GLT8D1: variants seen among roughly 807,000 people sequenced by gnomAD.
The protein encoded by GLT8D1 is glycosyltransferase 8 domain containing 1.
Under a neutral mutation model 46.2 loss-of-function variants are expected in GLT8D1, and 41 were observed. That is an observed-to-expected ratio of 0.89 (90% CI 0.69 to 1.15). The LOEUF is 1.15. GLT8D1 is among the 50% of genes most tolerant of loss of function. The pLI, the probability that GLT8D1 is intolerant of heterozygous loss-of-function variation, is 0.00. For synonymous variants in GLT8D1, 150 were observed against 154.2 expected, an observed-to-expected ratio of 0.97 and a Z score of 0.20; for missense variants, 408 against 449.3, an observed-to-expected ratio of 0.91 and a Z score of 0.83.
rs756849873 is a variant in GLT8D1 at position 52,700,369 on chromosome 3, G to T, written c.17-9C>A. The T allele has an allele frequency of 1.9e-6, 3 of 1,607,094 alleles. No individual in the cohort carries two copies. Among genetic ancestry groups the T allele is most frequent in the Admixed American group, 3.3e-5 (2 of 59,800 alleles). On this transcript the variant is annotated splice_polypyrimidine_tract_variant and intron_variant, in intron 2 of 9. Transcript: ENST00000266014. ...CAAGATGATGATGTTTACTGAAATAGATAGGGAAAACCTATGTTATACCTC... is the reference window on the plus strand; with the variant it reads ...CAAGATGATGATGTTTACTGAAATATATAGGGAAAACCTATGTTATACCTC...
chr3:52,701,589 G>A (rs890411774), intron 1 of GLT8D1, among the ~76,000 whole-genome samples: 1 of 151,954 alleles, frequency 6.6e-6, no homozygotes, highest in Non-Finnish European at 1.5e-5. Context: ...GACTGGTCTC[G>A]AACTCCTGAC....
chr3:52,704,520 G>A lies in GLT8D1; in HGVS notation c.-37+927C>T, dbSNP rs549930395. Among the ~76,000 whole-genome samples, 6 of 140,198 alleles carry A rather than the reference G, an allele frequency of 4.3e-5. No individual in the cohort carries two copies. In the South Asian group the frequency reaches 1.1e-3, roughly 26 times the overall value. 92.0% of individuals were successfully genotyped at this position (140,198 alleles called of 152,430 possible). On this transcript the variant is annotated intron_variant, in intron 1 of 9. Transcript: ENST00000266014. ...GATATATCTATTTATACACACAACA[G>A]AAAGTCTCTTCAAACACACCAAGAA...
At chr3:52,699,296 T>C (rs2097337185) in intron 3 of GLT8D1, among the ~76,000 whole-genome samples, 1 of 152,140 alleles carries the variant, frequency 6.6e-6, no homozygotes, top group African/African-American at 2.4e-5. Context: ...TCTCTTTTTT[T>C]TTTTCTTGAG....
intron 1 of GLT8D1, chr3:52,704,701 G>A (rs1289035606): frequency 1.3e-5 from 2 of 152,238 alleles, no homozygotes; most frequent in Admixed American, 6.5e-5. Flanking sequence ...GGGCACTGAG[G>A]ATATACAAAC....
rs78696896 is a variant in GLT8D1, at chr3:52,700,564, CT to C, written c.-36-69del. Reference sequence around the variant, plus strand: ...GAAGGGACATCAAAATGCCCTAACACTTTTTTTTTTTTTTTAATTCAGGAAG... The same window carrying C: ...GAAGGGACATCAAAATGCCCTAACACTTTTTTTTTTTTTTAATTCAGGAAG... On this transcript the variant is annotated intron_variant, in intron 1 of 9. Coordinates refer to ENST00000266014, the MANE Select transcript of GLT8D1 (RefSeq NM_018446.4). 0.24 allele frequency: 122,579 copies of C among 502,968 alleles called. 197 individuals are homozygous for C. The highest frequency in any genetic ancestry group is 0.29 in the East Asian group (9,423 of 32,008). The allele number at this position is 502,968 out of a possible 1,614,324, so 31.2% of individuals were successfully genotyped here.
chr3:52,700,568 T>C (rs2097338510), intron 1 of GLT8D1, 72 bp from the exon 2 acceptor site: 3 of 626,766 alleles, frequency 4.8e-6, no homozygotes, highest in Non-Finnish European at 8.4e-6. Context: ...CTAACACTTT[T>C]TTTTTTTTTT....
rs377622839 is a variant in GLT8D1, at chr3:52,705,744, C to G, written c.-334G>C. On this transcript the variant is annotated 5_prime_UTR_variant, in exon 1 of 10. Transcript: ENST00000266014. ...AGCCGCGCAGCCCCACTACGCCCAG[C>G]CAGCCCGCAGCGGTAACCGCTAGAG... 1.4e-5 allele frequency: 13 copies of G among 935,030 alleles called. No individual in the cohort carries two copies. The East Asian group carries it at 1.7e-4, about 12-fold the overall frequency. 57.9% of individuals were successfully genotyped at this position (935,030 alleles called of 1,614,324 possible). A position where few individuals can be genotyped will look rare whatever the true frequency, so the allele number is the denominator to read the frequency against.
In GLT8D1 at chr3:52,697,831, A is replaced by C; in HGVS notation, c.219T>G (p.Ser73=). 2 of 1,613,536 alleles carry C rather than the reference A, an allele frequency of 1.2e-6. No homozygotes were observed. The highest frequency in any genetic ancestry group is 4.5e-5 in the East Asian group (2 of 44,898). The change falls in exon 4 of 10, where the codon TCT becomes TCG. Residue 73 remains serine, a synonymous_variant. Transcript: ENST00000266014. The part of the protein sequence containing the change: ...QEEIPVVIAA[S]EDRLGGAIAA... ...CAATGGCCCCCCCAAGCCTGTCTTC[A>C]GATGCAGCGATGACCACAGGAATCT...
In GLT8D1 at chr3:52,694,502, A is replaced by G. The variant is rs1351978606; in HGVS notation, c.*343T>C. On this transcript the variant is annotated 3_prime_UTR_variant, in exon 10 of 10. Transcript: ENST00000266014. Reference sequence around the variant, plus strand: ...AAGAAGATACCTATTGAAAAATGTAAGTTTTATTTACAGATCAGGCCACAG... The same window carrying G: ...AAGAAGATACCTATTGAAAAATGTAGGTTTTATTTACAGATCAGGCCACAG... 10 of 577,416 alleles carry G rather than the reference A, an allele frequency of 1.7e-5. No individual in the cohort carries two copies. In the East Asian group the frequency reaches 2.8e-4, roughly 16 times the overall value. The allele number at this position is 577,416 out of a possible 1,614,324, so 35.8% of individuals were successfully genotyped here. A position where few individuals can be genotyped will look rare whatever the true frequency, so the allele number is the denominator to read the frequency against.
intron 3 of GLT8D1, among the ~76,000 whole-genome samples, chr3:52,699,464 T>C (rs1053814403): frequency 1.3e-5 from 2 of 152,142 alleles, no homozygotes; most frequent in African/African-American, 2.4e-5. Context: ...TTTGTATTTT[T>C]AGTAGAGACG....
Position 52,700,336 on chromosome 3 carries a change from GCCAGGA to G in GLT8D1, c.35_40del (p.Val12_Leu13del). 1 of 1,613,570 alleles carries G rather than the reference GCCAGGA, an allele frequency of 6.2e-7. No individual in the cohort carries two copies. Among genetic ancestry groups the G allele is most frequent in the Non-Finnish European group, 8.5e-7 (1 of 1,179,512 alleles). On this transcript the variant is annotated inframe_deletion, in exon 3 of 10. Coordinates refer to ENST00000266014, the MANE Select transcript of GLT8D1 (RefSeq NM_018446.4). ...CAAAACCAGTAAGAAGAGAGCAACA[GCCAGGA>G]CCAAGATGATGATGTTTACTGAAAT...
At chr3:52,703,283 G>T (rs2097340958) in intron 1 of GLT8D1, 1 of 151,542 alleles carries the variant, frequency 6.6e-6, no homozygotes, top group Non-Finnish European at 1.5e-5. Flanking sequence ...AATTAGCCAG[G>T]CATGGTGGCA....
intron 7 of GLT8D1, 105 bp downstream of exon 7, chr3:52,695,823 G>A (rs1304561784): frequency 1.6e-5 from 11 of 704,508 alleles, no homozygotes; most frequent in Non-Finnish European, 2.0e-5. Context: ...GTTTTGGGAT[G>A]AAATGATTGG....
At chr3:52,695,633 T>C in intron 7 of GLT8D1, 46 bp from the exon 8 acceptor site, 1 of 1,136,052 alleles carries the variant, frequency 8.8e-7, no homozygotes, top group South Asian at 1.3e-5. Flanking sequence ...TCAAACAAAA[T>C]AGATACAATT....
Position 52,705,719 on chromosome 3 carries a change from A to G in GLT8D1, c.-309T>C. The G allele has an allele frequency of 3.2e-6, 2 of 618,992 alleles. No homozygotes were observed. The highest frequency in any genetic ancestry group is 1.9e-5 in the African/African-American group (1 of 51,692). The allele number at this position is 618,992 out of a possible 1,614,324, so 38.3% of individuals were successfully genotyped here. On this transcript the variant is annotated 5_prime_UTR_variant, in exon 1 of 10. Transcript: ENST00000266014. ...CACACTTGCCCTCTAGCTCCGTGGCAGCCGCGCAGCCCCACTACGCCCAGC... is the reference window on the plus strand; with the variant it reads ...CACACTTGCCCTCTAGCTCCGTGGCGGCCGCGCAGCCCCACTACGCCCAGC...
chr3:52,696,916 A>T (rs2097334297), intron 4 of GLT8D1, among the ~76,000 whole-genome samples: 1 of 46,184 alleles, frequency 2.2e-5, no homozygotes, highest in African/African-American at 1.1e-4. Context: ...CACCACCTGG[A>T]CTATCCAACT....
chr3:52,695,108 CAA>C (rs2097331720), intron 9 of GLT8D1, 73 bp from the exon 10 acceptor site: 4 of 1,431,830 alleles, frequency 2.8e-6, no homozygotes, highest in East Asian at 4.5e-5. Context: ...TTAAGGGAAA[CAA>C]AGAATATACC....
intron 1 of GLT8D1, among the ~76,000 whole-genome samples, chr3:52,704,287 C>T (rs1409304022): frequency 2.0e-5 from 3 of 151,454 alleles, no homozygotes; most frequent in African/African-American, 7.3e-5. Flanking sequence ...AGTGAAACCC[C>T]GTCTCCACTA....
At chr3:52,699,989 C>T (rs2097337893) in intron 3 of GLT8D1, among the ~76,000 whole-genome samples, 1 of 152,214 alleles carries the variant, frequency 6.6e-6, no homozygotes, top group African/African-American at 2.4e-5. Flanking sequence ...AGTAACTAGA[C>T]TGACACTCTA....
Sources: gnomAD v4.1 joint callset for allele counts (sites outside exome capture counted in the v4.1 genomes callset) on GRCh38, gnomAD v4.1.1 for gene constraint, MANE v1.5 for transcripts, NCBI Gene and HGNC (gene_info 2026-07-23, HGNC 2026-07-21) for gene names.